The following CACNB2 variants were observed in gnomAD, a reference collection of about 807,000 sequenced individuals.
The protein encoded by CACNB2 is calcium voltage-gated channel auxiliary subunit beta 2, also known as voltage-dependent L-type calcium channel subunit beta-2.
Under a neutral mutation model 73.3 loss-of-function variants are expected in CACNB2, and 42 were observed. That is an observed-to-expected ratio of 0.57 (90% CI 0.45 to 0.74). CACNB2 has a LOEUF of 0.74. Ranked by LOEUF, CACNB2 falls within the 30% of genes least tolerant of loss-of-function variation. The pLI, the probability that CACNB2 is intolerant of heterozygous loss-of-function variation, is 0.00. For missense variants in CACNB2, 940 were observed against 853.0 expected (o/e 1.10, Z -1.27); for synonymous variants, 348 against 310.3 (o/e 1.12, Z -1.28).
At position 18,307,031 on chromosome 10, in the gene CACNB2, A is replaced by G. The variant is rs998358837; in HGVS notation, c.214-94893A>G. Among the ~76,000 whole-genome samples, 4 of 152,268 alleles carry G rather than the reference A, an allele frequency of 2.6e-5. No individual in the cohort carries two copies. In the South Asian group the frequency reaches 8.3e-4, roughly 32 times the overall value. ...TGAAAGTTCCTCTAGAAGAGGAAAGACAAGGTCCAAGGGTAAAGGCAGGAT... is the reference window on the plus strand; with the variant it reads ...TGAAAGTTCCTCTAGAAGAGGAAAGGCAAGGTCCAAGGGTAAAGGCAGGAT... On this transcript the variant is annotated intron_variant, in intron 2 of 13. Transcript: ENST00000324631.
At chr10:18,414,483 CTTTTTTTTTT>C (rs11384501) in intron 3 of CACNB2, among the ~76,000 whole-genome samples, 9 of 132,192 alleles carry the variant, frequency 6.8e-5, no homozygotes, top group East Asian at 2.0e-4. Context: ...TTACTACTAC[CTTTTTTTTTT>C]TTTTTTTTTT....
chr10:18,500,661 G>C (rs1299550045), intron 4 of CACNB2, 151 bp from the exon 5 acceptor site: 1 of 802,010 alleles, frequency 1.2e-6, no homozygotes, highest in Middle Eastern at 3.4e-4. Flanking sequence ...TCTTACATGT[G>C]AAACCCATGA....
chr10:18,382,402 C>T (rs1227066268), intron 2 of CACNB2, among the ~76,000 whole-genome samples: 1 of 150,604 alleles, frequency 6.6e-6, no homozygotes, highest in Non-Finnish European at 1.5e-5. Context: ...ATTTTAAGTT[C>T]CTGGGTACAT....
chr10:18,510,641 C>T (rs2050716965), intron 6 of CACNB2, among the ~76,000 whole-genome samples: 1 of 152,174 alleles, frequency 6.6e-6, no homozygotes, highest in South Asian at 2.1e-4. Context: ...AACTGATGAT[C>T]ACAGCAGGCT....
chr10:18,202,836 A>G (rs1410502226), intron 2 of CACNB2, among the ~76,000 whole-genome samples: 1 of 152,220 alleles, frequency 6.6e-6, no homozygotes, highest in African/African-American at 2.4e-5. Flanking sequence ...GGAAGCACAT[A>G]CTTTGTAATC....
intron 2 of CACNB2, among the ~76,000 whole-genome samples, chr10:18,187,596 A>G (rs2131249522): frequency 6.6e-6 from 1 of 152,216 alleles, no homozygotes; most frequent in East Asian, 1.9e-4. Context: ...TTTTTTTTTA[A>G]CTATCATCTA....
chr10:18,248,752 C>T (rs1053592671), intron 2 of CACNB2, among the ~76,000 whole-genome samples: 16 of 152,208 alleles, frequency 1.1e-4, no homozygotes, highest in African/African-American at 3.4e-4. Flanking sequence ...CCATCACCTC[C>T]TCTCCTCAGA....
chr10:18,524,928 G>A (rs1464842875), intron 9 of CACNB2, among the ~76,000 whole-genome samples: 1 of 150,508 alleles, frequency 6.6e-6, no homozygotes, highest in South Asian at 2.1e-4. Context: ...TACTTGGGAG[G>A]CTGAGCCAGG....
chr10:18,352,011 T>C (rs2041727896), intron 2 of CACNB2, among the ~76,000 whole-genome samples: 1 of 152,240 alleles, frequency 6.6e-6, no homozygotes, highest in African/African-American at 2.4e-5. Context: ...AAAAGGATGT[T>C]TGACCTGTTT....
At chr10:18,154,763 G>A (rs2031904578) in intron 2 of CACNB2, among the ~76,000 whole-genome samples, 1 of 152,100 alleles carries the variant, frequency 6.6e-6, no homozygotes, top group African/African-American at 2.4e-5. Flanking sequence ...CCACCGCACT[G>A]GGCTGTTATC....
chr10:18,291,965 T>C (rs2039084623), intron 2 of CACNB2, among the ~76,000 whole-genome samples: 2 of 152,324 alleles, frequency 1.3e-5, no homozygotes, highest in South Asian at 4.1e-4. Flanking sequence ...TGCTAAAATA[T>C]GAACTATAAG....
chr10:18,356,421 A>T (rs573131671), intron 2 of CACNB2, among the ~76,000 whole-genome samples: 1 of 151,562 alleles, frequency 6.6e-6, no homozygotes, highest in African/African-American at 2.4e-5. Context: ...GATTATTATT[A>T]TTGTTGTTGT....
chr10:18,269,622 A>G (rs559144140), intron 2 of CACNB2, among the ~76,000 whole-genome samples: 2 of 152,328 alleles, frequency 1.3e-5, no homozygotes, highest in East Asian at 3.9e-4. Context: ...CAATATGCCC[A>G]GCCCAGATCT....
chr10:18,201,998 C>T (rs2034902361), intron 2 of CACNB2, among the ~76,000 whole-genome samples: 1 of 152,124 alleles, frequency 6.6e-6, no homozygotes, highest in Non-Finnish European at 1.5e-5. Context: ...CATTATGTAG[C>T]CAGGAAGAAA....
intron 2 of CACNB2, among the ~76,000 whole-genome samples, chr10:18,364,964 A>G (rs2042291014): frequency 6.6e-6 from 1 of 152,196 alleles, no homozygotes; most frequent in Non-Finnish European, 1.5e-5. Context: ...CATTTTTTTC[A>G]AGTGCTGTTT....
chr10:18,446,359 G>A (rs2046733740), intron 3 of CACNB2, among the ~76,000 whole-genome samples: 1 of 152,192 alleles, frequency 6.6e-6, no homozygotes, highest in African/African-American at 2.4e-5. Context: ...AACTAATCTG[G>A]CTTGAAACTA....
rs16917273 is a variant in CACNB2 at position 18,401,770 on chromosome 10, G to C, written c.214-154G>C. On this transcript the variant is annotated intron_variant, in intron 2 of 13. Coordinates refer to ENST00000324631, the MANE Select transcript of CACNB2 (RefSeq NM_201596.3). ...TTGAATGTCTGCAAACCAGAGCATG[G>C]TTTTCTAGATAGGTTGCTGCAAAAT... Among the ~76,000 whole-genome samples the C allele has an allele frequency of 0.055, 8,340 of 152,252 alleles. 790 individuals are homozygous for C. Among genetic ancestry groups the C allele is most frequent in the African/African-American group, 0.19 (7,814 of 41,522 alleles).
At chr10:18,154,039 A>C (rs1379401711) in intron 2 of CACNB2, among the ~76,000 whole-genome samples, 1 of 152,004 alleles carries the variant, frequency 6.6e-6, no homozygotes, top group Non-Finnish European at 1.5e-5. Flanking sequence ...ATATTTGCCC[A>C]ATAGAATTTT....
chr10:18,501,255 G>T (rs997082258), intron 5 of CACNB2, among the ~76,000 whole-genome samples: 1 of 152,218 alleles, frequency 6.6e-6, no homozygotes, highest in Non-Finnish European at 1.5e-5. Context: ...CTGAAAAATA[G>T]TCTGGCACAT....
Sources: allele counts gnomAD v4.1 joint callset (sites outside exome capture counted in the v4.1 genomes callset), GRCh38; gene constraint gnomAD v4.1.1; transcripts MANE v1.5; gene names NCBI Gene and HGNC (gene_info 2026-07-23, HGNC 2026-07-21).